Variants in CSTPP1 observed in about 807,000 individuals in gnomAD.
CSTPP1 encodes centriolar satellite-associated tubulin polyglutamylase complex regulator 1, also known as UPF0705 protein C11orf49.
chr11:47,073,770 T>G, the CSTPP1 span, among the ~76,000 whole-genome samples: 1 of 152,228 alleles, frequency 6.6e-6, no homozygotes, highest in Admixed American at 6.5e-5. Flanking sequence ...ATAAGATATC[T>G]TTGATATATT....
At chr11:47,154,658 GTC>G in the CSTPP1 span, among the ~76,000 whole-genome samples, 4 of 152,142 alleles carry the variant, frequency 2.6e-5, no homozygotes, top group African/African-American at 4.8e-5. Context: ...GGGTGGCGGT[GTC>G]TGTCGCTGTT....
the CSTPP1 span, among the ~76,000 whole-genome samples, chr11:47,014,703 C>CAAAGAAAGAGAAAGAGAGAG: frequency 8.7e-6 from 1 of 115,050 alleles, no homozygotes; most frequent in Admixed American, 1.2e-4. Flanking sequence ...AACTCTGTCT[C>CAAAGAAAGAGAAAGAGAGAG]AAAGAAAGAG....
the CSTPP1 span, chr11:47,052,523 G>A: frequency 5.0e-6 from 8 of 1,612,806 alleles, no homozygotes; most frequent in Non-Finnish European, 6.8e-6. Context: ...ATGGCGGTAA[G>A]TCTTCCCAAA....
the CSTPP1 span, among the ~76,000 whole-genome samples, chr11:47,081,008 CAAA>C: frequency 8.8e-5 from 7 of 79,820 alleles, no homozygotes; most frequent in Admixed American, 1.5e-4. Context: ...GACCCCATCT[CAAA>C]AAAAAAAAAA....
the CSTPP1 span, among the ~76,000 whole-genome samples, chr11:47,101,194 T>TTTC: frequency 8.2e-6 from 1 of 122,610 alleles, no homozygotes; most frequent in African/African-American, 3.2e-5. Flanking sequence ...TTTTTTATTT[T>TTTC]ATTTTTAGTA....
the CSTPP1 span, among the ~76,000 whole-genome samples, chr11:46,944,491 C>G: frequency 4.6e-5 from 7 of 152,138 alleles, no homozygotes; most frequent in Admixed American, 2.6e-4. Context: ...ATCTCCTACA[C>G]TGGGGAGGGG....
chr11:47,109,971 A>C, the CSTPP1 span, among the ~76,000 whole-genome samples: 4 of 152,048 alleles, frequency 2.6e-5, no homozygotes. Flanking sequence ...TTCTTTCCCT[A>C]GATTGCATGG....
At chr11:47,156,112 T>G in the CSTPP1 span, among the ~76,000 whole-genome samples, 1 of 152,334 alleles carries the variant, frequency 6.6e-6, no homozygotes, top group Admixed American at 6.5e-5. Context: ...AGCCCTGGCC[T>G]CATTTGGGCG....
chr11:47,082,024 G>C, the CSTPP1 span, among the ~76,000 whole-genome samples: 1 of 148,048 alleles, frequency 6.8e-6, no homozygotes, highest in Non-Finnish European at 1.5e-5. Flanking sequence ...GCCATTCGTA[G>C]CAATAGTCTC....
At chr11:46,998,862 A>G in the CSTPP1 span, among the ~76,000 whole-genome samples, 90 of 151,954 alleles carry the variant, frequency 5.9e-4, no homozygotes, top group African/African-American at 2.1e-3. Context: ...CAGCCTCCCG[A>G]GTATCTGGGA....
At chr11:47,157,118 C>G in the CSTPP1 span, 18 of 1,614,006 alleles carry the variant, frequency 1.1e-5, no homozygotes, top group Non-Finnish European at 1.5e-5. Context: ...TGGGCAGCAC[C>G]GCCAACGACC....
chr11:47,026,880 AAAAAC>A, the CSTPP1 span, among the ~76,000 whole-genome samples: 1 of 152,196 alleles, frequency 6.6e-6, no homozygotes, highest in Non-Finnish European at 1.5e-5. Context: ...CCTGTCTCAA[AAAAAC>A]AAAACATAAA....
chr11:47,107,248 G>A, the CSTPP1 span, among the ~76,000 whole-genome samples: 1 of 152,202 alleles, frequency 6.6e-6, no homozygotes, highest in African/African-American at 2.4e-5. Flanking sequence ...GCTCTGGATG[G>A]TATTATTAAA....
chr11:46,997,963 C>T, the CSTPP1 span, among the ~76,000 whole-genome samples: 3 of 152,180 alleles, frequency 2.0e-5, no homozygotes, highest in African/African-American at 7.2e-5. Context: ...AAGTGTCAGT[C>T]GGCCCCTACT....
the CSTPP1 span, among the ~76,000 whole-genome samples, chr11:46,992,952 T>A: frequency 1.4e-5 from 2 of 143,062 alleles, no homozygotes; most frequent in African/African-American, 6.2e-5. Context: ...AAATGGTATC[T>A]CATTGTGGTT....
the CSTPP1 span, among the ~76,000 whole-genome samples, chr11:46,967,320 T>G: frequency 6.6e-6 from 1 of 152,326 alleles, no homozygotes; most frequent in African/African-American, 2.4e-5. Flanking sequence ...ATTAAAAAGA[T>G]TATATTTTCT....
the CSTPP1 span, chr11:47,155,528 T>C: frequency 1.9e-6 from 1 of 537,384 alleles, no homozygotes. Flanking sequence ...GTTTAAGTGA[T>C]AATGACAATA....
At chr11:47,018,452 G>A in the CSTPP1 span, among the ~76,000 whole-genome samples, 7 of 151,936 alleles carry the variant, frequency 4.6e-5, no homozygotes, top group East Asian at 3.9e-4. Context: ...CTGCCACTGC[G>A]CCTGGCTAAT....
At chr11:47,158,259 C>T in the CSTPP1 span, among the ~76,000 whole-genome samples, 7 of 151,984 alleles carry the variant, frequency 4.6e-5, no homozygotes, top group East Asian at 1.9e-4. Context: ...TACTCAGTGA[C>T]GCTAGAGATT....
Sources: gnomAD v4.1 joint callset for allele counts (sites outside exome capture counted in the v4.1 genomes callset) on GRCh38, gnomAD v4.1.1 for gene constraint, MANE v1.5 for transcripts, NCBI Gene and HGNC (gene_info 2026-07-23, HGNC 2026-07-21) for gene names.